RNF4: variants seen among roughly 807,000 people sequenced by gnomAD.
The protein encoded by RNF4 is E3 ubiquitin-protein ligase RNF4.
A neutral mutation model predicts 24.3 loss-of-function variants in RNF4; 7 were observed. That is an observed-to-expected ratio of 0.29 (90% CI 0.16 to 0.54). The LOEUF is 0.54. Ranked by LOEUF, RNF4 falls within the 20% of genes least tolerant of loss-of-function variation. The pLI is 0.95. For missense variants in RNF4, 209 were observed against 248.5 expected, an observed-to-expected ratio of 0.84 and a Z score of 1.07; for synonymous variants, 83 against 84.3, an observed-to-expected ratio of 0.98 and a Z score of 0.09.
chr4:2,480,386 CCTCAGCCTCCTGA>C (rs1385876395), intron 1 of RNF4: 1 of 151,420 alleles, frequency 6.6e-6, no homozygotes, highest in Non-Finnish European at 1.5e-5. Context: ...GGTTCTCCTG[CCTCAGCCTCCTGA>C]GTGGCAGGGA....
chr4:2,470,776 G>A (rs1319169090), intron 1 of RNF4, among the ~76,000 whole-genome samples: 1 of 151,908 alleles, frequency 6.6e-6, no homozygotes, highest in African/African-American at 2.4e-5. Flanking sequence ...AGCTGGGTGA[G>A]GATGGAGGGA....
chr4:2,483,912 C>G (rs931245654), intron 1 of RNF4, among the ~76,000 whole-genome samples: 27 of 151,628 alleles, frequency 1.8e-4, no homozygotes, highest in Non-Finnish European at 3.8e-4. Context: ...GGCTCACCTC[C>G]ACCTCTTGGG....
chr4:2,511,905 T>C (rs936544991), intron 4 of RNF4, 51 bp from the exon 5 acceptor site: 11 of 1,563,872 alleles, frequency 7.0e-6, no homozygotes, highest in African/African-American at 6.8e-5. Context: ...TTATCACTTA[T>C]ATCAAACTGA....
intron 4 of RNF4, among the ~76,000 whole-genome samples, chr4:2,503,515 G>A (rs1056082252): frequency 6.6e-6 from 1 of 152,288 alleles, no homozygotes; most frequent in African/African-American, 2.4e-5. Flanking sequence ...ATCTCACACT[G>A]TCCTCAGTGT....
At chr4:2,493,570 C>T (rs1371997252) in intron 2 of RNF4, among the ~76,000 whole-genome samples, 4 of 151,722 alleles carry the variant, frequency 2.6e-5, no homozygotes, top group South Asian at 4.2e-4. Context: ...GGTGAAACCC[C>T]GTTTCCACTA....
At chr4:2,488,609 G>C (rs1206371777) in intron 1 of RNF4, among the ~76,000 whole-genome samples, 4 of 152,188 alleles carry the variant, frequency 2.6e-5, no homozygotes. Context: ...TGATGGGTAT[G>C]TGTCAGCCCA....
intron 1 of RNF4, among the ~76,000 whole-genome samples, chr4:2,471,576 T>C (rs1734911659): frequency 6.6e-6 from 1 of 151,888 alleles, no homozygotes; most frequent in Non-Finnish European, 1.5e-5. Flanking sequence ...AAAGTTGAGA[T>C]AGGCCAAAAG....
chr4:2,492,423 G>A (rs986467571), intron 2 of RNF4, among the ~76,000 whole-genome samples: 2 of 152,158 alleles, frequency 1.3e-5, no homozygotes, highest in African/African-American at 2.4e-5. Context: ...ATTACCTGAA[G>A]GTCCCCCTGT....
At chr4:2,513,309 C>T (rs914569654) in intron 7 of RNF4, among the ~76,000 whole-genome samples, 178 bp downstream of exon 7, 2 of 152,176 alleles carry the variant, frequency 1.3e-5, no homozygotes, top group Non-Finnish European at 2.9e-5. Flanking sequence ...TCTCCTTGGA[C>T]CCTACAACTT....
At chr4:2,513,232 C>A in intron 7 of RNF4, 101 bp downstream of exon 7, 1 of 1,094,896 alleles carries the variant, frequency 9.1e-7, no homozygotes, top group South Asian at 1.3e-5. Context: ...TTGGACACCC[C>A]TACTCACAGT....
At chr4:2,476,111 A>G (rs968155870) in intron 1 of RNF4, among the ~76,000 whole-genome samples, 5 of 152,134 alleles carry the variant, frequency 3.3e-5, no homozygotes, top group Admixed American at 1.3e-4. Flanking sequence ...TATTTTTCCT[A>G]AGTTTTCTCC....
At chr4:2,487,575 T>G (rs537065218) in intron 1 of RNF4, among the ~76,000 whole-genome samples, 15 of 152,266 alleles carry the variant, frequency 9.9e-5, no homozygotes, top group Admixed American at 5.9e-4. Flanking sequence ...CATGAGCCAC[T>G]GCCCAGCCTC....
rs73791836 is a variant in RNF4, at chr4:2,513,119, C to T, written c.411C>T (p.Asp137=). 2.7e-3 allele frequency: 4,422 copies of T among 1,613,702 alleles called. 88 individuals carry two copies. The African/African-American group carries it at 0.052, about 19-fold the overall frequency. The change falls in exon 7 of 8, where the codon GAC becomes GAT. Residue 137 remains aspartate, a synonymous_variant. Transcript: ENST00000314289. ...SGTVSCPICM[D]GYSEIVQNGR... is the part of the protein sequence containing the mutation. The stretch of plus-strand genomic sequence containing the variant: ...CTGTCAGTTGTCCCATCTGCATGGA[C>T]GGATACTCAGAGGTAAGTAAACCAA...
At chr4:2,493,998 A>G (rs13102855) in intron 2 of RNF4, among the ~76,000 whole-genome samples, 136,173 of 151,322 alleles carry the variant, frequency 0.9, 61,462 homozygotes, top group African/African-American at 0.97. Context: ...GCATGCCACC[A>G]CGCCCAGCTA....
At chr4:2,503,902 T>C (rs991872859) in intron 4 of RNF4, among the ~76,000 whole-genome samples, 9 of 152,172 alleles carry the variant, frequency 5.9e-5, no homozygotes, top group Non-Finnish European at 1.2e-4. Context: ...AATCCCTGGA[T>C]ACCAGGATCC....
At chr4:2,493,907 A>G (rs534581029) in intron 2 of RNF4, among the ~76,000 whole-genome samples, 12 of 150,526 alleles carry the variant, frequency 8.0e-5, no homozygotes, top group Non-Finnish European at 1.3e-4. Flanking sequence ...AGTGGATGCA[A>G]TATTGGCTCA....
chr4:2,497,004 C>T lies in RNF4; in HGVS notation c.10-3C>T, dbSNP rs1204323021. 11 of 1,592,432 alleles carry T rather than the reference C, an allele frequency of 6.9e-6. No individual in the cohort carries two copies. The African/African-American group carries it at 1.1e-4, about 16-fold the overall frequency. On this transcript the variant is annotated splice_region_variant and splice_polypyrimidine_tract_variant and intron_variant, in intron 2 of 7. Coordinates refer to ENST00000314289, the MANE Select transcript of RNF4 (RefSeq NM_002938.5). ...TGACTCTTCTTTCCCCCTTGCTACTCAGAGAAAGCGTCGTGGTGGAGCAAT... is the reference window on the plus strand; with the variant it reads ...TGACTCTTCTTTCCCCCTTGCTACTTAGAGAAAGCGTCGTGGTGGAGCAAT...
At chr4:2,495,452 G>T (rs950533717) in intron 2 of RNF4, among the ~76,000 whole-genome samples, 1 of 152,170 alleles carries the variant, frequency 6.6e-6, no homozygotes, top group Non-Finnish European at 1.5e-5. Flanking sequence ...TTACATACAT[G>T]ATCTCATTTA....
chr4:2,500,418 T>C (rs1360878693), intron 3 of RNF4, among the ~76,000 whole-genome samples: 1 of 152,110 alleles, frequency 6.6e-6, no homozygotes, highest in East Asian at 1.9e-4. Flanking sequence ...CACACATACA[T>C]AACCCCCCAG....
Sources: gnomAD v4.1 joint callset for allele counts (sites outside exome capture counted in the v4.1 genomes callset) on GRCh38, gnomAD v4.1.1 for gene constraint, MANE v1.5 for transcripts, NCBI Gene and HGNC (gene_info 2026-07-23, HGNC 2026-07-21) for gene names.